AUTS2: variants seen among roughly 807,000 people sequenced by gnomAD.
AUTS2 encodes activator of transcription and developmental regulator AUTS2.
In AUTS2, 17 loss-of-function variants were observed where a neutral mutation model predicts 112.4. The ratio of observed to expected loss-of-function variants is 0.15; its 90% CI spans 0.10 to 0.23. The LOEUF (loss-of-function observed/expected upper bound fraction) is 0.23. Among genes scored for constraint, AUTS2 ranks in the 10% least tolerant of loss-of-function variants. The probability of loss-of-function intolerance (pLI) is 1.00; values close to 1 mark genes in which losing one functional copy is unlikely to be tolerated. For missense variants in AUTS2, 1,510 were observed against 1,701.6 expected (o/e 0.89, Z 1.98); for synonymous variants, 751 against 702.7 (o/e 1.07, Z -1.09).
At chr7:70,134,691 G>A in intron 4 of AUTS2, 120 bp downstream of exon 4, 2 of 916,222 alleles carry the variant, frequency 2.2e-6, no homozygotes, top group Admixed American at 3.9e-5. Flanking sequence ...CTAAAGAGCA[G>A]ACTGATTTCC....
intron 4 of AUTS2, among the ~76,000 whole-genome samples, chr7:70,204,022 C>A (rs557098404): frequency 6.7e-6 from 1 of 148,330 alleles, no homozygotes; most frequent in South Asian, 2.1e-4. Flanking sequence ...TTTGTATATA[C>A]GTGTATGTCC....
intron 2 of AUTS2, among the ~76,000 whole-genome samples, chr7:70,040,529 A>G (rs1357359925): frequency 6.6e-6 from 1 of 152,216 alleles, no homozygotes; most frequent in Non-Finnish European, 1.5e-5. Context: ...CCATTTTACA[A>G]AGGAATTGCA....
chr7:69,622,372 G>A (rs914330482), intron 1 of AUTS2, among the ~76,000 whole-genome samples: 1 of 152,156 alleles, frequency 6.6e-6, no homozygotes, highest in Non-Finnish European at 1.5e-5. Context: ...ATATACATTT[G>A]AAACAGGAAA....
chr7:70,765,973 G>GC, intron 8 of AUTS2, 141 bp from the exon 9 acceptor site: 1 of 1,408,698 alleles, frequency 7.1e-7, no homozygotes. Context: ...TTCATTGATT[G>GC]CCCCCGTTTA....
At chr7:69,652,726 G>C (rs1331072984) in intron 1 of AUTS2, among the ~76,000 whole-genome samples, 1 of 151,998 alleles carries the variant, frequency 6.6e-6, no homozygotes, top group Non-Finnish European at 1.5e-5. Flanking sequence ...GAAAAAAAGG[G>C]GGAAAAGTGT....
intron 5 of AUTS2, among the ~76,000 whole-genome samples, chr7:70,669,643 ATTAT>A (rs1338434937): frequency 6.6e-6 from 1 of 152,198 alleles, no homozygotes; most frequent in Non-Finnish European, 1.5e-5. Context: ...TCTGCACATA[ATTAT>A]TTCTTTTCAG....
At chr7:70,553,765 T>C (rs901958513) in intron 5 of AUTS2, among the ~76,000 whole-genome samples, 15 of 136,814 alleles carry the variant, frequency 1.1e-4, no homozygotes, top group Non-Finnish European at 1.6e-4. Flanking sequence ...TCTTTCTTTT[T>C]TTTTTTTTTT....
At chr7:69,876,834 C>T (rs773621725) in intron 1 of AUTS2, among the ~76,000 whole-genome samples, 5 of 151,938 alleles carry the variant, frequency 3.3e-5, no homozygotes, top group Admixed American at 6.6e-5. Context: ...TGTTGGTGAG[C>T]AGGTATTATC....
At chr7:70,755,979 A>G (rs942402912) in intron 6 of AUTS2, among the ~76,000 whole-genome samples, 1 of 151,994 alleles carries the variant, frequency 6.6e-6, no homozygotes, top group African/African-American at 2.4e-5. Flanking sequence ...ATTTTCTATA[A>G]TATTCATTTG....
chr7:70,095,518 T>C (rs1206089896), intron 2 of AUTS2, among the ~76,000 whole-genome samples: 1 of 152,156 alleles, frequency 6.6e-6, no homozygotes, highest in Non-Finnish European at 1.5e-5. Context: ...TATTCATGAA[T>C]ATGTACATTC....
At chr7:69,808,489 T>G (rs1243632155) in intron 1 of AUTS2, among the ~76,000 whole-genome samples, 1 of 152,244 alleles carries the variant, frequency 6.6e-6, no homozygotes, top group Non-Finnish European at 1.5e-5. Flanking sequence ...TATTTGAGGT[T>G]TGTGGATGAG....
At chr7:70,290,865 A>G (rs1562855106) in intron 4 of AUTS2, 1 of 166,156 alleles carries the variant, frequency 6.0e-6, no homozygotes, top group Non-Finnish European at 1.3e-5. Flanking sequence ...CCTTAGCCAA[A>G]CATAATCGAC....
At chr7:70,697,155 T>C (rs1042455702) in intron 5 of AUTS2, among the ~76,000 whole-genome samples, 1 of 152,196 alleles carries the variant, frequency 6.6e-6, no homozygotes, top group Admixed American at 6.5e-5. Flanking sequence ...CAGTTTGTTT[T>C]TATGTAAAGG....
chr7:70,726,676 C>T (rs1412091211), intron 6 of AUTS2, among the ~76,000 whole-genome samples: 1 of 152,074 alleles, frequency 6.6e-6, no homozygotes, highest in African/African-American at 2.4e-5. Flanking sequence ...ATCCCAAGAC[C>T]CTGTCCAGCT....
intron 4 of AUTS2, among the ~76,000 whole-genome samples, chr7:70,393,382 G>A (rs1793948161): frequency 6.6e-6 from 1 of 152,178 alleles, no homozygotes; most frequent in East Asian, 1.9e-4. Flanking sequence ...CAGAGTGCCC[G>A]CTTTTGAGTC....
intron 1 of AUTS2, among the ~76,000 whole-genome samples, chr7:69,755,463 G>A (rs1353802272): frequency 6.6e-6 from 1 of 151,918 alleles, no homozygotes; most frequent in Non-Finnish European, 1.5e-5. Flanking sequence ...CCAATAAATT[G>A]TTTCCTTTGC....
intron 6 of AUTS2, among the ~76,000 whole-genome samples, chr7:70,715,072 C>T (rs1810280987): frequency 6.6e-6 from 1 of 152,198 alleles, no homozygotes; most frequent in Non-Finnish European, 1.5e-5. Context: ...TTCTTCAGTA[C>T]AATGGCACTT....
At chr7:70,495,854 AAC>A (rs1238814600) in intron 5 of AUTS2, among the ~76,000 whole-genome samples, 1 of 71,072 alleles carries the variant, frequency 1.4e-5, no homozygotes, top group Non-Finnish European at 2.7e-5. Context: ...CACGTACACA[AAC>A]ACACACACGC....
intron 4 of AUTS2, among the ~76,000 whole-genome samples, chr7:70,410,074 C>T (rs370182072): frequency 2.0e-5 from 3 of 152,282 alleles, no homozygotes; most frequent in Admixed American, 1.3e-4. Flanking sequence ...AACTTTTTCC[C>T]TCTACTTTTG....
Sources: allele counts gnomAD v4.1 joint callset (sites outside exome capture counted in the v4.1 genomes callset), GRCh38; gene constraint gnomAD v4.1.1; transcripts MANE v1.5; gene names NCBI Gene and HGNC (gene_info 2026-07-23, HGNC 2026-07-21).